The following DOK6 variants were observed in gnomAD, a reference collection of about 807,000 sequenced individuals.
DOK6 encodes downstream of tyrosine kinase 6.
A neutral mutation model predicts 44.0 loss-of-function variants in DOK6; 22 were observed. The observed-to-expected ratio is 0.50, with a 90% confidence interval of 0.36 to 0.71. The LOEUF (loss-of-function observed/expected upper bound fraction) is 0.71, where lower values mean the gene tolerates loss of function less well. Among genes scored for constraint, DOK6 ranks in the 30% least tolerant of loss-of-function variants. The pLI, the probability that DOK6 is intolerant of heterozygous loss-of-function variation, is 0.00. For missense variants in DOK6, 340 were observed against 416.4 expected, an observed-to-expected ratio of 0.82 and a Z score of 1.60; for synonymous variants, 166 against 145.5, an observed-to-expected ratio of 1.14 and a Z score of -1.01.
At chr18:69,599,080 C>T (rs1194475794) in intron 2 of DOK6, among the ~76,000 whole-genome samples, 3 of 151,982 alleles carry the variant, frequency 2.0e-5, no homozygotes, top group East Asian at 3.9e-4. Flanking sequence ...TCTGTTATAC[C>T]ACAACTGCTA....
intron 1 of DOK6, among the ~76,000 whole-genome samples, chr18:69,492,216 T>C (rs564154570): frequency 6.6e-6 from 1 of 152,270 alleles, no homozygotes; most frequent in African/African-American, 2.4e-5. Flanking sequence ...ATACTATTTA[T>C]ATGAAAACAA....
intron 6 of DOK6, among the ~76,000 whole-genome samples, chr18:69,751,573 A>G (rs996356107): frequency 6.6e-5 from 10 of 152,210 alleles, no homozygotes; most frequent in Non-Finnish European, 1.5e-4. Context: ...ATTCTACATC[A>G]GTGTGTGCAT....
At chr18:69,747,314 T>G (rs1170970760) in intron 6 of DOK6, among the ~76,000 whole-genome samples, 1 of 152,194 alleles carries the variant, frequency 6.6e-6, no homozygotes, top group Non-Finnish European at 1.5e-5. Flanking sequence ...AACAGTTTTT[T>G]TATACAAATG....
intron 5 of DOK6, among the ~76,000 whole-genome samples, chr18:69,707,993 C>A (rs751845592): frequency 4.6e-5 from 7 of 152,126 alleles, no homozygotes; most frequent in Non-Finnish European, 1.0e-4. Flanking sequence ...ACAGCACAGG[C>A]AGAGCACGGA....
chr18:69,837,344 T>C (rs1982082944), intron 7 of DOK6, among the ~76,000 whole-genome samples: 7 of 152,128 alleles, frequency 4.6e-5, no homozygotes. Context: ...CTCACTTTTA[T>C]AGCAAAGCCA....
chr18:69,813,468 G>A (rs1286860023), intron 7 of DOK6, among the ~76,000 whole-genome samples: 2 of 152,084 alleles, frequency 1.3e-5, no homozygotes, highest in Non-Finnish European at 2.9e-5. Context: ...ATCTAGTGAA[G>A]TATGATTGGG....
intron 1 of DOK6, among the ~76,000 whole-genome samples, chr18:69,473,894 C>A (rs777112688): frequency 1.3e-5 from 2 of 152,072 alleles, no homozygotes; most frequent in Non-Finnish European, 2.9e-5. Context: ...GCTTCCTATC[C>A]ACCCTATCTG....
intron 1 of DOK6, among the ~76,000 whole-genome samples, chr18:69,491,409 A>G (rs189225466): frequency 3.6e-4 from 55 of 152,294 alleles, no homozygotes; most frequent in Non-Finnish European, 1.0e-4. Context: ...TAATAAATAC[A>G]TGTTTGTGTA....
chr18:69,704,569 C>G (rs1476719213), intron 5 of DOK6, among the ~76,000 whole-genome samples: 7 of 150,910 alleles, frequency 4.6e-5, no homozygotes, highest in South Asian at 2.1e-4. Flanking sequence ...AGCTCCGCCT[C>G]CTGGGTTCAC....
chr18:69,481,346 T>A (rs562465918), intron 1 of DOK6, among the ~76,000 whole-genome samples: 2 of 152,260 alleles, frequency 1.3e-5, no homozygotes, highest in South Asian at 4.1e-4. Flanking sequence ...TTACATTACA[T>A]ATATCTCCTA....
intron 7 of DOK6, among the ~76,000 whole-genome samples, chr18:69,812,379 C>T (rs937063783): frequency 2.0e-5 from 3 of 152,070 alleles, no homozygotes; most frequent in African/African-American, 7.2e-5. Context: ...TAAATTATAT[C>T]ATTTTTCATA....
chr18:69,579,365 T>C (rs1158077937), intron 2 of DOK6, among the ~76,000 whole-genome samples: 1 of 152,212 alleles, frequency 6.6e-6, no homozygotes, highest in Non-Finnish European at 1.5e-5. Flanking sequence ...ATATCAAGTA[T>C]ACTATAATAT....
chr18:69,430,423 T>G (rs1160334064), intron 1 of DOK6, among the ~76,000 whole-genome samples: 1 of 152,182 alleles, frequency 6.6e-6, no homozygotes, highest in Non-Finnish European at 1.5e-5. Context: ...TATAAAAAAG[T>G]CTTTCATCAT....
intron 1 of DOK6, among the ~76,000 whole-genome samples, chr18:69,475,374 C>A (rs1220556349): frequency 1.3e-5 from 2 of 151,990 alleles, no homozygotes; most frequent in Non-Finnish European, 2.9e-5. Flanking sequence ...TTACAAATTC[C>A]CACTTAGAAT....
chr18:69,531,273 ATATAT>A (rs1011863636), intron 1 of DOK6, among the ~76,000 whole-genome samples: 2 of 147,178 alleles, frequency 1.4e-5, no homozygotes, highest in Non-Finnish European at 3.0e-5. Context: ...TATATATATA[ATATAT>A]TATATGTTAT....
chr18:69,497,851 A>G (rs1478609248), intron 1 of DOK6, among the ~76,000 whole-genome samples: 1 of 152,302 alleles, frequency 6.6e-6, no homozygotes, highest in East Asian at 1.9e-4. Context: ...TTGGACAGGT[A>G]TAGTTGTTCA....
At chr18:69,748,548 A>C (rs1025858036) in intron 6 of DOK6, among the ~76,000 whole-genome samples, 3 of 152,212 alleles carry the variant, frequency 2.0e-5, no homozygotes. Flanking sequence ...ATCAAATTAG[A>C]ACTCAAGATT....
At chr18:69,689,194 C>T (rs1986213559) in intron 4 of DOK6, among the ~76,000 whole-genome samples, 1 of 152,072 alleles carries the variant, frequency 6.6e-6, no homozygotes, top group Non-Finnish European at 1.5e-5. Context: ...GTTCTGAGGG[C>T]CTGGACAACT....
chr18:69,611,994 A>G (rs1329865712), intron 3 of DOK6, among the ~76,000 whole-genome samples: 1 of 152,088 alleles, frequency 6.6e-6, no homozygotes, highest in Non-Finnish European at 1.5e-5. Context: ...GGAAACCAGA[A>G]TAAGATCAGT....
Sources: gnomAD v4.1 joint callset for allele counts (sites outside exome capture counted in the v4.1 genomes callset) on GRCh38, gnomAD v4.1.1 for gene constraint, MANE v1.5 for transcripts, NCBI Gene and HGNC (gene_info 2026-07-23, HGNC 2026-07-21) for gene names.